Variants in HTR4 observed in about 807,000 individuals in gnomAD.
HTR4 encodes 5-hydroxytryptamine (serotonin) receptor 4, G protein-coupled.
Under a neutral mutation model 36.8 loss-of-function variants are expected in HTR4, and 16 were observed. That is an observed-to-expected ratio of 0.43 (90% CI 0.29 to 0.66). HTR4 has a LOEUF of 0.66. Among genes scored for constraint, HTR4 ranks in the 30% least tolerant of loss-of-function variants. HTR4 has a pLI of 0.13. For missense variants in HTR4, 438 were observed against 490.9 expected (o/e 0.89, Z 1.02); for synonymous variants, 189 against 185.1 (o/e 1.02, Z -0.17).
chr5:148,626,272 T>C (rs1753101623), intron 2 of HTR4, among the ~76,000 whole-genome samples: 1 of 152,226 alleles, frequency 6.6e-6, no homozygotes, highest in South Asian at 2.1e-4. Context: ...TCAGTTCAAT[T>C]CAAGGACAAG....
intron 2 of HTR4, among the ~76,000 whole-genome samples, chr5:148,607,494 T>C (rs1752227431): frequency 6.6e-6 from 1 of 152,126 alleles, no homozygotes; most frequent in Non-Finnish European, 1.5e-5. Context: ...TTTATACCCA[T>C]CCTCCCAACA....
chr5:148,546,075 T>C (rs140057631), intron 4 of HTR4, among the ~76,000 whole-genome samples: 1 of 152,220 alleles, frequency 6.6e-6, no homozygotes, highest in African/African-American at 2.4e-5. Context: ...TATTTAAATG[T>C]AGGAGGCAAG....
At position 148,627,062 on chromosome 5, in the gene HTR4, T is replaced by C. The variant is rs1405506087; in HGVS notation, c.26+9927A>G. 2.0e-5 allele frequency among the ~76,000 whole-genome samples: 3 copies of C among 152,188 alleles called. No individual in the cohort carries two copies. In the East Asian group the frequency reaches 5.8e-4, roughly 29 times the overall value. Reference sequence around the variant, plus strand: ...GGAAATGCTACTTCATAAATTTCTCTAGGATCTGTGTTTTTTCCTTTACTC... The same window carrying C: ...GGAAATGCTACTTCATAAATTTCTCCAGGATCTGTGTTTTTTCCTTTACTC... On this transcript the variant is annotated intron_variant, in intron 2 of 6. Coordinates refer to ENST00000377888, the MANE Select transcript of HTR4 (RefSeq NM_000870.7).
intron 1 of HTR4, 90 bp downstream of exon 1, chr5:148,653,972 A>C (rs1754116553): frequency 1.3e-5 from 10 of 779,758 alleles, no homozygotes; most frequent in Non-Finnish European, 1.6e-5. Context: ...CAAGCCCCCG[A>C]CCCCGTCGTG....
At chr5:148,516,312 CTTTTTTTTTTTTT>C (rs954784476) in intron 5 of HTR4, among the ~76,000 whole-genome samples, 2 of 76,476 alleles carry the variant, frequency 2.6e-5, no homozygotes, top group African/African-American at 5.1e-5. Context: ...ATTCCCCCCT[CTTTTTTTTTTTTT>C]TTTTTTTTTT....
At chr5:148,467,715 A>G (rs1398068317) in intron 5 of HTR4, among the ~76,000 whole-genome samples, 1 of 152,246 alleles carries the variant, frequency 6.6e-6, no homozygotes, top group East Asian at 1.9e-4. Context: ...TGCTGGATTA[A>G]CAGTATAGTT....
At chr5:148,508,186 G>T (rs113572287) in intron 6 of HTR4, among the ~76,000 whole-genome samples, 5 of 151,818 alleles carry the variant, frequency 3.3e-5, no homozygotes, top group Non-Finnish European at 5.9e-5. Flanking sequence ...ATTTTCAGCC[G>T]CCAGAACAGC....
intron 4 of HTR4, among the ~76,000 whole-genome samples, chr5:148,542,663 T>C (rs1344169721): frequency 6.6e-6 from 1 of 152,160 alleles, no homozygotes; most frequent in Non-Finnish European, 1.5e-5. Context: ...GGGAATTACA[T>C]TTAATGCTAA....
intron 6 of HTR4, among the ~76,000 whole-genome samples, chr5:148,494,269 G>A (rs1218565952): frequency 6.6e-6 from 1 of 152,074 alleles, no homozygotes; most frequent in Non-Finnish European, 1.5e-5. Context: ...TGCACCATGG[G>A]GAAATTTTAG....
chr5:148,586,425 C>G (rs1761352157), intron 2 of HTR4, among the ~76,000 whole-genome samples: 2 of 151,696 alleles, frequency 1.3e-5, no homozygotes, highest in African/African-American at 2.4e-5. Flanking sequence ...TTACTCGAAC[C>G]CTTTAATGTA....
intron 2 of HTR4, among the ~76,000 whole-genome samples, chr5:148,559,815 T>C (rs1301717438): frequency 1.3e-5 from 2 of 152,056 alleles, no homozygotes; most frequent in East Asian, 3.9e-4. Flanking sequence ...TTAGTGCACC[T>C]CCTGCTTCAA....
intron 1 of HTR4, among the ~76,000 whole-genome samples, chr5:148,653,733 C>T (rs1754107227): frequency 6.6e-6 from 1 of 152,174 alleles, no homozygotes; most frequent in Non-Finnish European, 1.5e-5. Context: ...CTCTCTCTTA[C>T]ACACACGCAC....
downstream of HTR4, among the ~76,000 whole-genome samples, chr5:148,473,907 G>T (rs187054980): frequency 6.6e-6 from 1 of 152,174 alleles, no homozygotes; most frequent in African/African-American, 2.4e-5. Context: ...AGAAATGCCA[G>T]GAAATTAGAG....
intron 5 of HTR4, among the ~76,000 whole-genome samples, chr5:148,521,830 C>T (rs975057422): frequency 6.6e-6 from 1 of 152,092 alleles, no homozygotes; most frequent in African/African-American, 2.4e-5. Context: ...GGGCTCAGGG[C>T]TTAGTTCTCT....
At chr5:148,652,761 G>A (rs570821415) in intron 1 of HTR4, among the ~76,000 whole-genome samples, 32 of 152,220 alleles carry the variant, frequency 2.1e-4, no homozygotes, top group Non-Finnish European at 4.0e-4. Flanking sequence ...TTATAATAAG[G>A]ATATTTCCCA....
At chr5:148,553,108 T>C (rs1459517447) in intron 2 of HTR4, among the ~76,000 whole-genome samples, 1 of 152,180 alleles carries the variant, frequency 6.6e-6, no homozygotes, top group Non-Finnish European at 1.5e-5. Flanking sequence ...TAGGCATTGT[T>C]GTATGTCCTA....
intron 2 of HTR4, among the ~76,000 whole-genome samples, chr5:148,558,492 C>T (rs1281293073): frequency 2.0e-5 from 3 of 152,156 alleles, no homozygotes; most frequent in Admixed American, 1.3e-4. Flanking sequence ...ACCAGTTTTA[C>T]AAGCTAGGAC....
rs1299117493 is a variant in HTR4, at chr5:148,609,617, G to A, written c.26+27372C>T. ...TTTTTGAGACTCCGCCCAGGCTGGAGTGCAGTGGCGCGATCTAGGCTCACT... is the reference window on the plus strand; with the variant it reads ...TTTTTGAGACTCCGCCCAGGCTGGAATGCAGTGGCGCGATCTAGGCTCACT... On this transcript the variant is annotated intron_variant, in intron 2 of 6. Coordinates refer to ENST00000377888, the MANE Select transcript of HTR4 (RefSeq NM_000870.7). Among the ~76,000 whole-genome samples the A allele has an allele frequency of 3.3e-5, 5 of 150,204 alleles. No individual in the cohort carries two copies. In the East Asian group the frequency reaches 9.8e-4, roughly 29 times the overall value.
chr5:148,482,602 A>T lies in HTR4; in HGVS notation c.*601T>A. 1 of 987,520 alleles carries T rather than the reference A, an allele frequency of 1.0e-6. No homozygotes were observed. The highest frequency in any genetic ancestry group is 1.2e-6 in the Non-Finnish European group (1 of 831,244). The allele number at this position is 987,520 out of a possible 1,614,324, so 61.2% of individuals were successfully genotyped here. A position where few individuals can be genotyped will look rare whatever the true frequency, so the allele number is the denominator to read the frequency against. On this transcript the variant is annotated 3_prime_UTR_variant, in exon 7 of 7. Coordinates refer to ENST00000377888, the MANE Select transcript of HTR4 (RefSeq NM_000870.7). Reference sequence around the variant, plus strand: ...GAGCAAGTGGACGTCTGGGACTGACAAGGGGGCCAACCAAGAGGATGCACG... The same window carrying T: ...GAGCAAGTGGACGTCTGGGACTGACTAGGGGGCCAACCAAGAGGATGCACG...
Sources: gnomAD v4.1 joint callset for allele counts (sites outside exome capture counted in the v4.1 genomes callset) on GRCh38, gnomAD v4.1.1 for gene constraint, MANE v1.5 for transcripts, NCBI Gene and HGNC (gene_info 2026-07-23, HGNC 2026-07-21) for gene names.